Variants in BUB1B observed in about 807,000 individuals in gnomAD.
BUB1B encodes the protein BUB1 mitotic checkpoint serine/threonine kinase B, also known as mitotic checkpoint serine/threonine-protein kinase BUB1 beta.
BUB1B carries 86 observed loss-of-function variants against 137.7 expected under a neutral mutation model. That is an observed-to-expected ratio of 0.62 (90% confidence interval 0.52 to 0.75). BUB1B has a LOEUF of 0.75. Ranked by LOEUF, BUB1B falls within the 30% of genes least tolerant of loss-of-function variation. The probability of loss-of-function intolerance (pLI) is 0.00; values close to 1 mark genes in which losing one functional copy is unlikely to be tolerated. For missense variants in BUB1B, 1,130 were observed against 1,236.9 expected (o/e 0.91, Z 1.30); for synonymous variants, 420 against 417.9 (o/e 1.00, Z -0.06).
At chr15:40,201,738 C>T (rs1377358176) in intron 12 of BUB1B, among the ~76,000 whole-genome samples, 2 of 152,174 alleles carry the variant, frequency 1.3e-5, no homozygotes, top group African/African-American at 4.8e-5. Context: ...GCGATCTCAG[C>T]TCACTACAAG....
At chr15:40,192,421 T>A (rs968860793) in intron 8 of BUB1B, among the ~76,000 whole-genome samples, 19 of 152,318 alleles carry the variant, frequency 1.2e-4, no homozygotes, top group Non-Finnish European at 1.3e-4. Flanking sequence ...TTGTTTACAT[T>A]AGGATTCACT....
Position 40,170,069 on chromosome 15 carries a change from G to T in BUB1B, c.187G>T (p.Glu63Ter), listed in dbSNP as rs746902649. 1 of 1,613,746 alleles carries T rather than the reference G, an allele frequency of 6.2e-7. No homozygotes were observed. The highest frequency in any genetic ancestry group is 1.3e-5 in the African/African-American group (1 of 75,026). Residue 63 changes from glutamate to a stop codon, truncating the protein, a stop_gained, in exon 3 of 23, where the codon GAA (glutamate) becomes TAA (stop). Transcript: ENST00000287598. LOFTEE classifies it high-confidence loss of function. ...TTTCTGTTTACATTTCAGGGCATTTGAATATGAAATTCGATTTTACACTGG... is the reference window on the plus strand; with the variant it reads ...TTTCTGTTTACATTTCAGGGCATTTTAATATGAAATTCGATTTTACACTGG... ...NTLQQQKRAFEYEIRFYTGND... is the reference protein window; with the variant it reads ...NTLQQQKRAF
chr15:40,162,739 G>A (rs2037054797), intron 1 of BUB1B, among the ~76,000 whole-genome samples: 1 of 152,172 alleles, frequency 6.6e-6, no homozygotes, highest in Non-Finnish European at 1.5e-5. Context: ...CTGGGAGGAA[G>A]TGGGGGCAGT....
chr15:40,164,373 G>T (rs1310147387), intron 1 of BUB1B, among the ~76,000 whole-genome samples: 1 of 151,978 alleles, frequency 6.6e-6, no homozygotes, highest in South Asian at 2.1e-4. Context: ...GACCATGGGC[G>T]TGTACCACCA....
intron 2 of BUB1B, among the ~76,000 whole-genome samples, chr15:40,168,108 C>T (rs913435351): frequency 1.4e-4 from 21 of 151,722 alleles, no homozygotes; most frequent in Middle Eastern, 3.4e-3. Context: ...TGGCTCAAGC[C>T]TGTAATCCCA....
intron 8 of BUB1B, among the ~76,000 whole-genome samples, chr15:40,191,716 T>G (rs2037440698): frequency 6.6e-6 from 1 of 152,226 alleles, no homozygotes; most frequent in African/African-American, 2.4e-5. Context: ...CCAGCACCAC[T>G]TGTTGAAGAC....
rs192052802 is a variant in BUB1B at position 40,174,867 on chromosome 15, G to A, written c.385-1610G>A. Reference sequence around the variant, plus strand: ...TAGTCCCAGCTACTCGGGAGGCTGAGGCAGGAGGATCACTTGAACCTGGGA... The same window carrying A: ...TAGTCCCAGCTACTCGGGAGGCTGAAGCAGGAGGATCACTTGAACCTGGGA... On this transcript the variant is annotated intron_variant, in intron 4 of 22. Coordinates refer to ENST00000287598, the MANE Select transcript of BUB1B (RefSeq NM_001211.6). Among the ~76,000 whole-genome samples the A allele has an allele frequency of 6.1e-4, 93 of 152,312 alleles. No individual in the cohort carries two copies. In the East Asian group the frequency reaches 0.013, roughly 21 times the overall value.
chr15:40,166,760 A>G (rs1201867157), intron 2 of BUB1B, among the ~76,000 whole-genome samples: 1 of 152,072 alleles, frequency 6.6e-6, no homozygotes, highest in Non-Finnish European at 1.5e-5. Flanking sequence ...TCTACCAGCA[A>G]CTCATGAGAG....
At chr15:40,179,026 G>A (rs1312458826) in intron 5 of BUB1B, among the ~76,000 whole-genome samples, 3 of 151,708 alleles carry the variant, frequency 2.0e-5, no homozygotes, top group Non-Finnish European at 4.4e-5. Flanking sequence ...TACTTACCTC[G>A]CTCCTAGGCA....
chr15:40,165,086 A>C lies in BUB1B; in HGVS notation c.69A>C (p.Glu23Asp). ...TGTCCCTGGAGGGAGATGAATGGGA[A>C]CTGAGTAAAGAAAATGTACAACCTT... ...EAMSLEGDEW[E>D]LSKENVQPLR... The change falls in exon 2 of 23, where the codon GAA (glutamate) becomes GAC (aspartate). Residue 23 changes from glutamate to aspartate, a missense_variant. Coordinates refer to ENST00000287598, the MANE Select transcript of BUB1B (RefSeq NM_001211.6). The C allele has an allele frequency of 6.2e-7, 1 of 1,614,182 alleles. No individual in the cohort carries two copies. The highest frequency in any genetic ancestry group is 8.5e-7 in the Non-Finnish European group (1 of 1,180,032).
intron 10 of BUB1B, 105 bp downstream of exon 10, chr15:40,199,832 C>T: frequency 3.3e-6 from 3 of 903,482 alleles, no homozygotes; most frequent in Non-Finnish European, 5.3e-6. Flanking sequence ...TTTAGAGTTT[C>T]TGGTAGTTTC....
At position 40,210,066 on chromosome 15, in the gene BUB1B, T is replaced by A. The variant is rs187795534; in HGVS notation, c.2285-44T>A. The A allele has an allele frequency of 4.1e-6, 6 of 1,471,554 alleles. No homozygotes were observed. The Admixed American group carries it at 1.0e-4, about 25-fold the overall frequency. 91.2% of individuals were successfully genotyped at this position (1,471,554 alleles called of 1,614,324 possible). A position where few individuals can be genotyped will look rare whatever the true frequency, so the allele number is the denominator to read the frequency against. ...AGGAGGTAAAAGCTACAGGGCTGTA[T>A]ATGTTCACAGTGATTTTTAAATGGA... is the stretch of plus-strand genomic sequence containing the variant. On this transcript the variant is annotated intron_variant, in intron 17 of 22. Transcript: ENST00000287598.
chr15:40,172,260 A>G (rs1012079337), intron 4 of BUB1B, among the ~76,000 whole-genome samples: 2 of 152,020 alleles, frequency 1.3e-5, no homozygotes, highest in Non-Finnish European at 2.9e-5. Flanking sequence ...ATTTCTTACT[A>G]AAGTCTTAAG....
At chr15:40,189,074 C>G (rs2037405549) in intron 8 of BUB1B, among the ~76,000 whole-genome samples, 1 of 152,068 alleles carries the variant, frequency 6.6e-6, no homozygotes. Flanking sequence ...CCCTAGCAAC[C>G]AACTGTTTTT....
chr15:40,207,740 G>A (rs2037655247), intron 15 of BUB1B, among the ~76,000 whole-genome samples: 1 of 151,712 alleles, frequency 6.6e-6, no homozygotes, highest in South Asian at 2.1e-4. Context: ...TAATGGACTT[G>A]AAAAATGAGA....
chr15:40,198,138 T>C (rs2037520109), intron 9 of BUB1B, among the ~76,000 whole-genome samples: 1 of 152,122 alleles, frequency 6.6e-6, no homozygotes, highest in Non-Finnish European at 1.5e-5. Context: ...ACATTTTGTT[T>C]TCAACTAGCC....
At chr15:40,185,802 G>A (rs2037354328) in intron 8 of BUB1B, among the ~76,000 whole-genome samples, 160 bp downstream of exon 8, 1 of 152,140 alleles carries the variant, frequency 6.6e-6, no homozygotes, top group South Asian at 2.1e-4. Context: ...TGAGGCAGGA[G>A]GATCCCTTGA....
At chr15:40,209,910 C>A in intron 17 of BUB1B, 135 bp downstream of exon 17, 1 of 1,136,734 alleles carries the variant, frequency 8.8e-7, no homozygotes, top group Non-Finnish European at 1.3e-6. Context: ...TAGAGGATGA[C>A]ACATCAGTAA....
intron 12 of BUB1B, 31 bp downstream of exon 12, chr15:40,201,011 C>T (rs1236953340): frequency 1.3e-6 from 2 of 1,597,236 alleles, no homozygotes; most frequent in Non-Finnish European, 1.7e-6. Context: ...TTGAGAAGAA[C>T]TTGCTGATAA....
Sources: allele counts gnomAD v4.1 joint callset (sites outside exome capture counted in the v4.1 genomes callset), GRCh38; gene constraint gnomAD v4.1.1; transcripts MANE v1.5; gene names NCBI Gene and HGNC (gene_info 2026-07-23, HGNC 2026-07-21).